WDR33: variants seen among roughly 807,000 people sequenced by gnomAD.
The protein encoded by WDR33 is WD repeat domain 33, also known as pre-mRNA 3' end processing protein WDR33.
A neutral mutation model predicts 164.9 loss-of-function variants in WDR33; 47 were observed. That is an observed-to-expected ratio of 0.29 (90% CI 0.23 to 0.36). WDR33 has a LOEUF of 0.36. Among genes scored for constraint, WDR33 ranks in the 10% least tolerant of loss-of-function variants. The pLI, the probability that WDR33 is intolerant of heterozygous loss-of-function variation, is 1.00. For synonymous variants in WDR33, 505 were observed against 589.0 expected (o/e 0.86, Z 2.06); for missense variants, 1,137 against 1,754.1 (o/e 0.65, Z 6.28).
Position 127,706,150 on chromosome 2 carries a change from G to C in WDR33, c.*173C>G, listed in dbSNP as rs1450442288. On this transcript the variant is annotated 3_prime_UTR_variant, in exon 22 of 22. Transcript: ENST00000322313. The surrounding 1 kb of genome is among the most constrained non-coding windows in gnomAD (Gnocchi z 5.1). ...CAGGACAGGGCCAGCCAGGCTGGTA[G>C]CTGGCAGCAGTCTCTTCATCTTGAA... The C allele has an allele frequency of 2.1e-6, 1 of 487,458 alleles. No homozygotes were observed. The highest frequency in any genetic ancestry group is 3.4e-6 in the Non-Finnish European group (1 of 293,354). The allele number at this position is 487,458 out of a possible 1,614,324, so 30.2% of individuals were successfully genotyped here. A position where few individuals can be genotyped will look rare whatever the true frequency, so the allele number is the denominator to read the frequency against.
intron 7 of WDR33, among the ~76,000 whole-genome samples, chr2:127,761,875 G>A (rs557095924): frequency 6.6e-6 from 1 of 152,306 alleles, no homozygotes; most frequent in Admixed American, 6.5e-5. Context: ...ATACAGTACT[G>A]TGGATAAACC....
intron 18 of WDR33, among the ~76,000 whole-genome samples, chr2:127,711,278 A>C (rs1686153704): frequency 6.6e-6 from 1 of 152,082 alleles, no homozygotes; most frequent in Admixed American, 6.5e-5. Flanking sequence ...TACAAAAATT[A>C]GCTGGGCGTG....
intron 1 of WDR33, chr2:127,799,053 T>C (rs1223286831): frequency 6.6e-6 from 1 of 152,092 alleles, no homozygotes; most frequent in Non-Finnish European, 1.5e-5. Flanking sequence ...TGCTTTCTAA[T>C]AAAAAAGTCA....
chr2:127,737,180 G>A, intron 7 of WDR33: 2 of 985,382 alleles, frequency 2.0e-6, no homozygotes, highest in South Asian at 9.4e-5. Context: ...TTAAAGGAAT[G>A]TGGCAATCAA....
rs192397121 is a variant in WDR33, at chr2:127,737,216, T to C, written c.725-10439A>G. 9.8e-5 allele frequency: 97 copies of C among 985,424 alleles called. No individual in the cohort carries two copies. The East Asian group carries it at 7.9e-3, about 81-fold the overall frequency. The allele number at this position is 985,424 out of a possible 1,614,324, so 61.0% of individuals were successfully genotyped here. A position where few individuals can be genotyped will look rare whatever the true frequency, so the allele number is the denominator to read the frequency against. Reference sequence around the variant, plus strand: ...ATATTTTTCAACCTCAATTCTGTTGTATTCATTCAATTCTTTGATATTAAC... The same window carrying C: ...ATATTTTTCAACCTCAATTCTGTTGCATTCATTCAATTCTTTGATATTAAC... On this transcript the variant is annotated intron_variant, in intron 7 of 21. Transcript: ENST00000322313.
At position 127,702,317 on chromosome 2, in the gene WDR33, G is replaced by C. The variant is rs1685913580; in HGVS notation, c.*4006C>G. The C allele has an allele frequency of 1.1e-6, 1 of 921,756 alleles. No homozygotes were observed. The highest frequency in any genetic ancestry group is 1.4e-6 in the Non-Finnish European group (1 of 715,820). The allele number at this position is 921,756 out of a possible 1,614,324, so 57.1% of individuals were successfully genotyped here. A position where few individuals can be genotyped will look rare whatever the true frequency, so the allele number is the denominator to read the frequency against. ...CTAACAGCCTGCGAGTCTAATCCGGGAGCGGCTGCTGCCAGCGGAGGCGAC... is the reference window on the plus strand; with the variant it reads ...CTAACAGCCTGCGAGTCTAATCCGGCAGCGGCTGCTGCCAGCGGAGGCGAC... On this transcript the variant is annotated 3_prime_UTR_variant, in exon 22 of 22. Coordinates refer to ENST00000322313, the MANE Select transcript of WDR33 (RefSeq NM_018383.5).
At chr2:127,760,628 C>T (rs1031945234) in intron 7 of WDR33, among the ~76,000 whole-genome samples, 8 of 152,180 alleles carry the variant, frequency 5.3e-5, no homozygotes, top group Admixed American at 3.3e-4. Context: ...AAACAGACAA[C>T]TGGAATCTAA....
At position 127,711,765 on chromosome 2, in the gene WDR33, TA is replaced by T. The variant is rs1222099931; in HGVS notation, c.3308+1817del. On this transcript the variant is annotated intron_variant, in intron 18 of 21. Coordinates refer to ENST00000322313, the MANE Select transcript of WDR33 (RefSeq NM_018383.5). ...CCACATATACAGATATATATATATATATATATATATATATATTTTTTTTTTG... is the reference window on the plus strand; with the variant it reads ...CCACATATACAGATATATATATATATTATATATATATATATTTTTTTTTTG... 8.9e-4 allele frequency among the ~76,000 whole-genome samples: 79 copies of T among 88,916 alleles called. 5 individuals are homozygous for T. The highest frequency in any genetic ancestry group is 5.2e-3 in the African/African-American group (70 of 13,366). 58.3% of individuals were successfully genotyped at this position (88,916 alleles called of 152,430 possible).
intron 1 of WDR33, among the ~76,000 whole-genome samples, chr2:127,777,624 C>T (rs77858957): frequency 0.014 from 2,185 of 152,274 alleles, 64 homozygotes; most frequent in African/African-American, 0.051. Context: ...TCTATACCAA[C>T]GTTATAATTC....
chr2:127,740,625 G>T (rs80176168), intron 7 of WDR33, among the ~76,000 whole-genome samples: 5,849 of 152,282 alleles, frequency 0.038, 253 homozygotes, highest in South Asian at 0.17. Context: ...CAATGCCATG[G>T]ATTACCTTAA....
chr2:127,802,051 T>G lies in WDR33; in HGVS notation c.-24+8961A>C, dbSNP rs564169140. ...CAAAAATTAGCCAGGTGTGGTGGCA[T>G]GCACCTGTAGTCCCAGCTACTCAGG... On this transcript the variant is annotated intron_variant, in intron 1 of 21. Coordinates refer to ENST00000322313, the MANE Select transcript of WDR33 (RefSeq NM_018383.5). 4.0e-5 allele frequency among the ~76,000 whole-genome samples: 6 copies of G among 151,024 alleles called. No homozygotes were observed. In the South Asian group the frequency reaches 1.3e-3, roughly 32 times the overall value.
intron 1 of WDR33, among the ~76,000 whole-genome samples, chr2:127,771,593 A>AG (rs1688003974): frequency 6.6e-6 from 1 of 152,160 alleles, no homozygotes; most frequent in Non-Finnish European, 1.5e-5. Context: ...GCTGGGGAAC[A>AG]TAGTGAGATT....
At chr2:127,792,549 T>C (rs558176787) in intron 1 of WDR33, among the ~76,000 whole-genome samples, 79 of 151,902 alleles carry the variant, frequency 5.2e-4, no homozygotes, top group African/African-American at 1.6e-3. Context: ...GCGCCTGTAA[T>C]CCCAGCTACT....
intron 7 of WDR33, among the ~76,000 whole-genome samples, chr2:127,750,890 A>G (rs1687339385): frequency 6.6e-6 from 1 of 151,272 alleles, no homozygotes; most frequent in Non-Finnish European, 1.5e-5. Flanking sequence ...AAGGTATTTT[A>G]CAGTAATTGA....
rs1345175865 is a variant in WDR33 at position 127,702,106 on chromosome 2, G to A, written c.*4217C>T. Reference sequence around the variant, plus strand: ...GTTGGGCTGCTGCCCTGGGGCGGCGGCACCGCGCTGCGCCTCGCACTGGGT... The same window carrying A: ...GTTGGGCTGCTGCCCTGGGGCGGCGACACCGCGCTGCGCCTCGCACTGGGT... On this transcript the variant is annotated 3_prime_UTR_variant, in exon 22 of 22. Coordinates refer to ENST00000322313, the MANE Select transcript of WDR33 (RefSeq NM_018383.5). 1 of 1,216,928 alleles carries A rather than the reference G, an allele frequency of 8.2e-7. No individual in the cohort carries two copies. Among genetic ancestry groups the A allele is most frequent in the Non-Finnish European group, 1.0e-6 (1 of 980,672 alleles). The allele number at this position is 1,216,928 out of a possible 1,614,324, so 75.4% of individuals were successfully genotyped here.
rs968666774 is a variant in WDR33, at chr2:127,763,851, C to G, written c.627-692G>C. 1.0e-6 allele frequency: 1 copy of G among 985,584 alleles called. No homozygotes were observed. Among genetic ancestry groups the G allele is most frequent in the Non-Finnish European group, 1.2e-6 (1 of 830,074 alleles). 61.1% of individuals were successfully genotyped at this position (985,584 alleles called of 1,614,324 possible). A position where few individuals can be genotyped will look rare whatever the true frequency, so the allele number is the denominator to read the frequency against. Reference sequence around the variant, plus strand: ...TTTCTCAACTAACTCTAAAAACTCCCTTGAACTTTGGAATCCTATGAAGGA... The same window carrying G: ...TTTCTCAACTAACTCTAAAAACTCCGTTGAACTTTGGAATCCTATGAAGGA... On this transcript the variant is annotated intron_variant, in intron 6 of 21. Coordinates refer to ENST00000322313, the MANE Select transcript of WDR33 (RefSeq NM_018383.5). The surrounding 1 kb of genome is among the most constrained non-coding windows in gnomAD (Gnocchi z 4.5).
rs1687893774 is a variant in WDR33, at chr2:127,768,547, T to C, written c.274-254A>G. ...GTACCAGTACTAACCCAGTACAAGTTAGTACAAGTACTAACCCAGTTAGTA... is the reference window on the plus strand; with the variant it reads ...GTACCAGTACTAACCCAGTACAAGTCAGTACAAGTACTAACCCAGTTAGTA... On this transcript the variant is annotated intron_variant, in intron 3 of 21. Coordinates refer to ENST00000322313, the MANE Select transcript of WDR33 (RefSeq NM_018383.5). Among the ~76,000 whole-genome samples the C allele has an allele frequency of 2.6e-5, 4 of 152,146 alleles. No individual in the cohort carries two copies. The South Asian group carries it at 8.3e-4, about 32-fold the overall frequency.
rs534816034 is a variant in WDR33 at position 127,706,175 on chromosome 2, A to G, written c.*148T>C. ...GCTGGCAGCAGTCTCTTCATCTTGA[A>G]GACCTCATTGAGGGTTCCTGGGATT... On this transcript the variant is annotated 3_prime_UTR_variant, in exon 22 of 22. Transcript: ENST00000322313. This position sits in a 1 kb window ranked among gnomAD's most constrained non-coding sequence, Gnocchi z 5.1. 4.0e-4 allele frequency: 255 copies of G among 640,772 alleles called. 3 individuals carry two copies. In the East Asian group the frequency reaches 8.1e-3, roughly 20 times the overall value. 39.7% of individuals were successfully genotyped at this position (640,772 alleles called of 1,614,324 possible).
rs1686437214 is a variant in WDR33 at position 127,721,480 on chromosome 2, T to C, written c.1671+356A>G. On this transcript the variant is annotated intron_variant, in intron 15 of 21. Transcript: ENST00000322313. This position sits in a 1 kb window ranked among gnomAD's most constrained non-coding sequence, Gnocchi z 4.9. ...AAAAAAAATTAGTCAGACGTGATGG[T>C]GCATGCCTGTGGTCTCTGCCACTCA... is the stretch of plus-strand genomic sequence containing the variant. Among the ~76,000 whole-genome samples the C allele has an allele frequency of 6.6e-6, 1 of 152,092 alleles. No homozygotes were observed. The highest frequency in any genetic ancestry group is 2.1e-4 in the South Asian group (1 of 4,824).
Sources: allele counts gnomAD v4.1 joint callset (sites outside exome capture counted in the v4.1 genomes callset), GRCh38; gene constraint gnomAD v4.1.1; non-coding constraint Gnocchi (gnomAD v3.1); transcripts MANE v1.5; gene names NCBI Gene and HGNC (gene_info 2026-07-23, HGNC 2026-07-21).